ZMYM2: variants seen among roughly 807,000 people sequenced by gnomAD.
ZMYM2 encodes zinc finger MYM-type containing 2.
Under a neutral mutation model 162.8 loss-of-function variants are expected in ZMYM2, and 56 were observed. The ratio of observed to expected loss-of-function variants is 0.34; its 90% CI spans 0.28 to 0.43. The LOEUF is 0.43. Among genes scored for constraint, ZMYM2 ranks in the 20% least tolerant of loss-of-function variants. The pLI is 1.00. For synonymous variants in ZMYM2, 510 were observed against 541.6 expected, an observed-to-expected ratio of 0.94 and a Z score of 0.81; for missense variants, 1,275 against 1,621.8, an observed-to-expected ratio of 0.79 and a Z score of 3.67.
intron 2 of ZMYM2, among the ~76,000 whole-genome samples, chr13:19,979,738 C>G (rs747320368): frequency 6.6e-6 from 1 of 152,162 alleles, no homozygotes; most frequent in Admixed American, 6.6e-5. Context: ...ATGCTATTCC[C>G]AAAGCTGAGT....
At chr13:19,919,253 GA>G in the ZMYM2 span, among the ~76,000 whole-genome samples, 4 of 151,744 alleles carry the variant, frequency 2.6e-5, no homozygotes, top group Admixed American at 2.6e-4. Flanking sequence ...CCCTATTGAA[GA>G]AAATTTTTTT....
At chr13:19,875,520 C>T in the ZMYM2 span, among the ~76,000 whole-genome samples, 4 of 142,932 alleles carry the variant, frequency 2.8e-5, no homozygotes, top group South Asian at 2.2e-4. Context: ...GCCAGCTATT[C>T]GGGAAGCTGA....
the ZMYM2 span, among the ~76,000 whole-genome samples, chr13:19,952,031 T>C: frequency 1.3e-5 from 2 of 152,144 alleles, no homozygotes; most frequent in African/African-American, 4.8e-5. Context: ...GTGGCATATA[T>C]ACACAACGGA....
chr13:20,023,834 A>T (rs1309392916), intron 7 of ZMYM2, among the ~76,000 whole-genome samples: 2 of 152,122 alleles, frequency 1.3e-5, no homozygotes, highest in African/African-American at 4.8e-5. Context: ...ATGTTCTTTC[A>T]TTAATTGGTT....
chr13:19,998,492 T>C (rs149417258), intron 3 of ZMYM2, among the ~76,000 whole-genome samples: 74 of 152,332 alleles, frequency 4.9e-4, no homozygotes, highest in African/African-American at 1.6e-3. Context: ...CTTTTAGATA[T>C]GTTCAAGCAT....
chr13:20,049,682 C>T (rs186604377), intron 12 of ZMYM2, among the ~76,000 whole-genome samples: 2 of 152,082 alleles, frequency 1.3e-5, no homozygotes, highest in East Asian at 3.9e-4. Context: ...TAATATTTGA[C>T]CTTAGTCAAG....
At position 19,979,209 on chromosome 13, in the gene ZMYM2, A is replaced by G. The variant is rs147670954; in HGVS notation, c.-10-13854A>G. Among the ~76,000 whole-genome samples, 455 of 152,276 alleles carry G rather than the reference A, an allele frequency of 3.0e-3. 4 individuals carry two copies. The highest frequency in any genetic ancestry group is 0.01 in the African/African-American group (434 of 41,564). ...AAAATTTCTGCTCTCTTTGAGGTCC[A>G]CAATGTGTCTTGACATGGATATCTT... On this transcript the variant is annotated intron_variant, in intron 2 of 24. Transcript: ENST00000610343.
At chr13:20,012,130 C>T (rs1951248268) in intron 6 of ZMYM2, among the ~76,000 whole-genome samples, 1 of 152,048 alleles carries the variant, frequency 6.6e-6, no homozygotes, top group Non-Finnish European at 1.5e-5. Flanking sequence ...CAGTGATCCT[C>T]CTGCCTTGGC....
At chr13:20,025,365 T>G (rs1202316208) in intron 7 of ZMYM2, 1 of 188,322 alleles carries the variant, frequency 5.3e-6, no homozygotes, top group Admixed American at 6.2e-5. Flanking sequence ...CAAAACAACT[T>G]GCACTTGAAG....
At chr13:20,038,078 G>C (rs562247055) in intron 12 of ZMYM2, among the ~76,000 whole-genome samples, 18 of 152,120 alleles carry the variant, frequency 1.2e-4, no homozygotes, top group Non-Finnish European at 2.6e-4. Flanking sequence ...AGTTTGCTAA[G>C]GATAATGGCC....
At chr13:20,073,628 A>G (rs946668468) in intron 21 of ZMYM2, among the ~76,000 whole-genome samples, 3 of 152,212 alleles carry the variant, frequency 2.0e-5, no homozygotes, top group Non-Finnish European at 2.9e-5. Context: ...CTCTAAAACT[A>G]GTTTACTTAC....
rs528657576 is a variant in ZMYM2, at chr13:20,019,687, T to C, written c.1584+69T>C. The C allele has an allele frequency of 8.1e-5, 110 of 1,365,918 alleles. No individual in the cohort carries two copies. In the South Asian group the frequency reaches 1.3e-3, roughly 16 times the overall value. 84.6% of individuals were successfully genotyped at this position (1,365,918 alleles called of 1,614,324 possible). A position where few individuals can be genotyped will look rare whatever the true frequency, so the allele number is the denominator to read the frequency against. ...AGCACTGCTACTACTGTCATTAATA[T>C]GTATCTGAAAAATCTTGTCCAATTT... is the stretch of plus-strand genomic sequence containing the variant. On this transcript the variant is annotated intron_variant, in intron 7 of 24. Transcript: ENST00000610343.
intron 6 of ZMYM2, among the ~76,000 whole-genome samples, chr13:20,016,026 G>A (rs2140120442): frequency 6.6e-6 from 1 of 152,004 alleles, no homozygotes; most frequent in South Asian, 2.1e-4. Flanking sequence ...CAATAAGGAA[G>A]GATTTATTTC....
intron 7 of ZMYM2, among the ~76,000 whole-genome samples, chr13:20,023,090 A>G (rs1952260178): frequency 6.6e-6 from 1 of 152,226 alleles, no homozygotes; most frequent in Non-Finnish European, 1.5e-5. Context: ...TGATATAAAA[A>G]TTGGGAATTT....
the ZMYM2 span, among the ~76,000 whole-genome samples, chr13:19,938,485 A>G: frequency 6.6e-6 from 1 of 152,314 alleles, no homozygotes; most frequent in Non-Finnish European, 1.5e-5. Context: ...GCGACAGAGC[A>G]AGACTCCATT....
intron 2 of ZMYM2, chr13:19,965,222 ATAC>A (rs1566167011): frequency 7.7e-7 from 1 of 1,290,748 alleles, no homozygotes; most frequent in African/African-American, 1.5e-5. Context: ...CTTTATAGCC[ATAC>A]ATGTGTATAT....
intron 16 of ZMYM2, among the ~76,000 whole-genome samples, chr13:20,060,416 C>A (rs747597931): frequency 1.3e-5 from 2 of 152,072 alleles, no homozygotes; most frequent in Non-Finnish European, 2.9e-5. Context: ...CAGTGGCTCA[C>A]GCCTGTAATC....
At chr13:19,887,384 C>T in the ZMYM2 span, among the ~76,000 whole-genome samples, 11 of 151,630 alleles carry the variant, frequency 7.3e-5, no homozygotes, top group Non-Finnish European at 1.3e-4. Flanking sequence ...TAAAAATTAG[C>T]TGGGCGTGGT....
chr13:19,955,674 T>C (rs1051735498), upstream of ZMYM2, among the ~76,000 whole-genome samples: 5 of 152,138 alleles, frequency 3.3e-5, no homozygotes, highest in Admixed American at 2.0e-4. Flanking sequence ...CAGGCTGGAG[T>C]GCAGTGGTGC....
Sources: gnomAD v4.1 joint callset for allele counts (sites outside exome capture counted in the v4.1 genomes callset) on GRCh38, gnomAD v4.1.1 for gene constraint, MANE v1.5 for transcripts, NCBI Gene and HGNC (gene_info 2026-07-23, HGNC 2026-07-21) for gene names.